The following PAH variants were observed in gnomAD, a reference collection of about 807,000 sequenced individuals.
The protein encoded by PAH is phenylalanine-4-hydroxylase.
Under a neutral mutation model 62.0 loss-of-function variants are expected in PAH, and 64 were observed. The ratio of observed to expected loss-of-function variants is 1.03; its 90% CI spans 0.84 to 1.27. The LOEUF (loss-of-function observed/expected upper bound fraction) is 1.27, where lower values mean the gene tolerates loss of function less well. Among genes scored for constraint, PAH ranks in the 50% most tolerant of loss-of-function variants. The probability of loss-of-function intolerance (pLI) is 0.00; values close to 1 mark genes in which losing one functional copy is unlikely to be tolerated. For missense variants in PAH, 579 were observed against 542.8 expected, an observed-to-expected ratio of 1.07 and a Z score of -0.66; for synonymous variants, 195 against 196.2, an observed-to-expected ratio of 0.99 and a Z score of 0.05.
intron 2 of PAH, among the ~76,000 whole-genome samples, chr12:102,904,102 T>C (rs902826867): frequency 1.3e-5 from 2 of 152,206 alleles, no homozygotes; most frequent in African/African-American, 2.4e-5. Flanking sequence ...AGGGTTTTGG[T>C]ATACTCCTAA....
chr12:102,840,863 G>A (rs1008065643), intron 11 of PAH, among the ~76,000 whole-genome samples: 1 of 152,136 alleles, frequency 6.6e-6, no homozygotes, highest in African/African-American at 2.4e-5. Flanking sequence ...GCTAAAGAAT[G>A]CTATATAGAG....
At chr12:102,894,630 A>G (rs952398091) in intron 3 of PAH, 105 bp downstream of exon 3, 2 of 867,874 alleles carry the variant, frequency 2.3e-6, no homozygotes, top group African/African-American at 3.4e-5. Flanking sequence ...AGCAATATAT[A>G]TTAAATATAC....
At chr12:102,958,388 G>A (rs1033467489), upstream of PAH, 10 of 1,492,966 alleles carry the variant, frequency 6.7e-6, no homozygotes, top group Non-Finnish European at 8.9e-6. Flanking sequence ...CGGCAGCGCA[G>A]AGCGCGCAGC....
chr12:102,956,312 C>T (rs530146011), intron 1 of PAH, among the ~76,000 whole-genome samples: 1 of 152,340 alleles, frequency 6.6e-6, no homozygotes, highest in South Asian at 2.1e-4. Context: ...CTGCTTTCTC[C>T]GCAGCGCCGC....
upstream of PAH, chr12:102,917,358 G>C (rs547091601): frequency 5.6e-4 from 323 of 572,218 alleles, no homozygotes; most frequent in African/African-American, 5.5e-3. Context: ...ACCTGCCCAG[G>C]ACGGGCCGGA....
At position 102,917,072 on chromosome 12, in the gene PAH, T is replaced by C. The variant is rs199475662; in HGVS notation, c.59A>G (p.Gln20Arg). 1 of 1,614,196 alleles carries C rather than the reference T, an allele frequency of 6.2e-7. No homozygotes were observed. The highest frequency in any genetic ancestry group is 2.2e-5 in the East Asian group (1 of 44,886). Residue 20 changes from glutamine (Q) to arginine (R), a missense_variant and splice_region_variant, in exon 1 of 13, where the codon CAG becomes CGG. Transcript: ENST00000553106. Reference sequence around the variant, plus strand: ...GCAGCTCAGGCTGCCGTGGCTCACCTGTCCAAAGTCAGAGAGTTTCCTGCC... The same window carrying C: ...GCAGCTCAGGCTGCCGTGGCTCACCCGTCCAAAGTCAGAGAGTTTCCTGCC... ...GLGRKLSDFGQETSYIEDNCN... is the reference protein window; with the variant it reads ...GLGRKLSDFGRETSYIEDNCN...
At chr12:102,930,554 T>C (rs1489853292) in intron 1 of PAH, among the ~76,000 whole-genome samples, 2 of 152,198 alleles carry the variant, frequency 1.3e-5, no homozygotes, top group Non-Finnish European at 2.9e-5. Context: ...AGTGGTTATA[T>C]TGACATCTTT....
chr12:102,942,535 CAT>C (rs1491186158), intron 1 of PAH, among the ~76,000 whole-genome samples: 2 of 151,846 alleles, frequency 1.3e-5, no homozygotes, highest in African/African-American at 4.8e-5. Context: ...CTACCAATGA[CAT>C]TTTTTTTCAC....
chr12:102,895,869 A>AAATATATATATATATATAT (rs953209518), intron 2 of PAH, among the ~76,000 whole-genome samples: 9 of 118,708 alleles, frequency 7.6e-5, no homozygotes, highest in African/African-American at 3.2e-4. Flanking sequence ...AAAAAAAAAA[A>AAATATATATATATATATAT]ATATATATAT....
At chr12:102,889,296 A>C (rs1408134741) in intron 3 of PAH, among the ~76,000 whole-genome samples, 4 of 152,166 alleles carry the variant, frequency 2.6e-5, no homozygotes, top group African/African-American at 9.7e-5. Context: ...AGCAATGTTG[A>C]AGCAGAAGAA....
intron 1 of PAH, among the ~76,000 whole-genome samples, chr12:102,922,484 G>A (rs1878579520): frequency 2.0e-5 from 3 of 152,106 alleles, no homozygotes; most frequent in Non-Finnish European, 2.9e-5. Context: ...GAGTCACCAC[G>A]CCCGGCCCTA....
In PAH at chr12:102,842,009, T is replaced by C. The variant is rs117041110; in HGVS notation, c.1200-1494A>G. On this transcript the variant is annotated intron_variant, in intron 11 of 12. Transcript: ENST00000553106. ...ATTCCTTGTTTTGAACTCTGTTCTT[T>C]AGCATTCTCTTTGATTCTCTGAGCC... 2.5e-4 allele frequency among the ~76,000 whole-genome samples: 38 copies of C among 152,332 alleles called. No individual in the cohort carries two copies. The East Asian group carries it at 5.0e-3, about 20-fold the overall frequency.
intron 3 of PAH, among the ~76,000 whole-genome samples, chr12:102,883,579 G>A (rs529696406): frequency 6.6e-6 from 1 of 152,298 alleles, no homozygotes; most frequent in African/African-American, 2.4e-5. Context: ...GAGGATTCAA[G>A]TCTTTGTAAA....
intron 4 of PAH, among the ~76,000 whole-genome samples, chr12:102,874,483 G>A (rs1475116282): frequency 1.3e-5 from 2 of 152,148 alleles, no homozygotes; most frequent in African/African-American, 4.8e-5. Flanking sequence ...ATGTTACACG[G>A]CCCTCTCCCT....
At chr12:102,911,266 A>G (rs1254580095) in intron 2 of PAH, among the ~76,000 whole-genome samples, 1 of 152,110 alleles carries the variant, frequency 6.6e-6, no homozygotes, top group Non-Finnish European at 1.5e-5. Context: ...ATAAAGTTAT[A>G]TATTTTAGTA....
At chr12:102,908,198 T>C (rs1592986248) in intron 2 of PAH, among the ~76,000 whole-genome samples, 2 of 144,654 alleles carry the variant, frequency 1.4e-5, no homozygotes, top group African/African-American at 5.2e-5. Context: ...TGCGCCCCCC[T>C]CCCTACCACC....
chr12:102,894,429 TAA>T (rs3062651), intron 3 of PAH, among the ~76,000 whole-genome samples: 11 of 138,970 alleles, frequency 7.9e-5, no homozygotes, highest in African/African-American at 3.0e-4. Context: ...GCTTATAAAG[TAA>T]AAAAAAAAAA....
upstream of PAH, among the ~76,000 whole-genome samples, chr12:102,951,121 G>A (rs1484822264): frequency 6.6e-6 from 1 of 152,136 alleles, no homozygotes; most frequent in African/African-American, 2.4e-5. Flanking sequence ...TCGGGTTAGC[G>A]TGAGCCCTTA....
chr12:102,899,321 A>T (rs1877641303), intron 2 of PAH, among the ~76,000 whole-genome samples: 1 of 152,158 alleles, frequency 6.6e-6, no homozygotes, highest in Non-Finnish European at 1.5e-5. Flanking sequence ...TGGGAAGCAG[A>T]CCATAGGATA....
Sources: allele counts gnomAD v4.1 joint callset (sites outside exome capture counted in the v4.1 genomes callset), GRCh38; gene constraint gnomAD v4.1.1; transcripts MANE v1.5; gene names NCBI Gene and HGNC (gene_info 2026-07-23, HGNC 2026-07-21).